Variants in LRRC40 observed in about 807,000 individuals in gnomAD.
LRRC40 encodes leucine-rich repeat-containing protein 40.
Under a neutral mutation model 72.8 loss-of-function variants are expected in LRRC40, and 76 were observed. That is an observed-to-expected ratio of 1.04 (90% confidence interval 0.87 to 1.26). LRRC40 has a LOEUF of 1.26. LRRC40 is among the 50% of genes most tolerant of loss of function. The pLI, the probability that LRRC40 is intolerant of heterozygous loss-of-function variation, is 0.00. For synonymous variants in LRRC40, 243 were observed against 254.2 expected (o/e 0.96, Z 0.42); for missense variants, 684 against 698.9 (o/e 0.98, Z 0.24).
chr1:70,173,011 T>C (rs1451091076), intron 9 of LRRC40, among the ~76,000 whole-genome samples: 4 of 152,128 alleles, frequency 2.6e-5, no homozygotes, highest in African/African-American at 7.2e-5. Context: ...TCACTTTTGG[T>C]ACATGTTCTT....
At chr1:70,190,386 G>GA (rs778464042) in intron 1 of LRRC40, among the ~76,000 whole-genome samples, 64 of 151,936 alleles carry the variant, frequency 4.2e-4, no homozygotes, top group Non-Finnish European at 6.5e-4. Flanking sequence ...TATACTCACT[G>GA]AAAAAATGAG....
At chr1:70,163,079 C>CTTTT (rs377411157) in intron 9 of LRRC40, among the ~76,000 whole-genome samples, 2 of 140,546 alleles carry the variant, frequency 1.4e-5, no homozygotes, top group Non-Finnish European at 3.1e-5. Flanking sequence ...CTTTCCTTTT[C>CTTTT]TTTTTTTTTT....
intron 10 of LRRC40, 41 bp from the exon 11 acceptor site, chr1:70,155,837 A>T (rs1345732753): frequency 1.1e-6 from 1 of 872,626 alleles, no homozygotes; most frequent in South Asian, 2.1e-5. Flanking sequence ...CATTCTTAGC[A>T]GTCCAAAAAG....
chr1:70,176,677 GAAC>G (rs1456337650), intron 6 of LRRC40, among the ~76,000 whole-genome samples: 1 of 151,732 alleles, frequency 6.6e-6, no homozygotes, highest in Non-Finnish European at 1.5e-5. Context: ...GTTGGTCCTT[GAAC>G]AACAAGTGTT....
chr1:70,197,965 T>C lies in LRRC40; in HGVS notation c.151+7425A>G, dbSNP rs529218258. Among the ~76,000 whole-genome samples the C allele has an allele frequency of 7.9e-4, 120 of 152,210 alleles. 1 individual carries two copies. The highest frequency in any genetic ancestry group is 2.8e-3 in the African/African-American group (118 of 41,540). Reference sequence around the variant, plus strand: ...TTAGTAGAGACGAAGTTTTGCCTTGTTGCCCAGACTGGTCTTGAACTCCCA... The same window carrying C: ...TTAGTAGAGACGAAGTTTTGCCTTGCTGCCCAGACTGGTCTTGAACTCCCA... On this transcript the variant is annotated intron_variant, in intron 1 of 14. Transcript: ENST00000370952.
intron 14 of LRRC40, among the ~76,000 whole-genome samples, chr1:70,148,192 C>T (rs978945606): frequency 2.0e-5 from 3 of 150,570 alleles, no homozygotes; most frequent in African/African-American, 2.4e-5. Context: ...AATATTTCCC[C>T]GACATTTTTA....
intron 1 of LRRC40, among the ~76,000 whole-genome samples, chr1:70,192,073 T>A (rs961450098): frequency 6.6e-6 from 1 of 152,200 alleles, no homozygotes; most frequent in African/African-American, 2.4e-5. Flanking sequence ...ATGACCATTT[T>A]AATGATATTG....
Position 70,181,149 on chromosome 1 carries a change from C to G in LRRC40, c.598G>C (p.Val200Leu). ...TCATTACTAGAAAGATTGAGTCGCA[C>G]CAGACTGGACAGAGAAGAAAAACTA... ...PASFSSLSSL[V>L]RLNLSSNELK... The change falls in exon 5 of 15, where the codon GTG becomes CTG. Residue 200 changes from valine (V) to leucine (L), a missense_variant. By Grantham distance (32) the Val-to-Leu change is conservative. Coordinates refer to ENST00000370952, the MANE Select transcript of LRRC40 (RefSeq NM_017768.5). The G allele has an allele frequency of 3.1e-6, 5 of 1,598,670 alleles. No homozygotes were observed. The highest frequency in any genetic ancestry group is 4.3e-6 in the Non-Finnish European group (5 of 1,172,676).
intron 6 of LRRC40, among the ~76,000 whole-genome samples, chr1:70,177,136 C>G (rs897921588): frequency 6.6e-6 from 1 of 151,934 alleles, no homozygotes; most frequent in Non-Finnish European, 1.5e-5. Context: ...ATTAGCTTGG[C>G]GTGGTGGTGG....
chr1:70,195,846 G>A (rs1668596278), intron 1 of LRRC40, among the ~76,000 whole-genome samples: 1 of 152,142 alleles, frequency 6.6e-6, no homozygotes, highest in Non-Finnish European at 1.5e-5. Context: ...ATGTTGGCCA[G>A]GCTGGTCTCG....
chr1:70,173,397 T>G, intron 9 of LRRC40, 68 bp downstream of exon 9: 1 of 1,116,312 alleles, frequency 9.0e-7, no homozygotes, highest in East Asian at 2.4e-5. Flanking sequence ...ACATTTAAAT[T>G]TATGTACTAT....
chr1:70,205,308 G>T, intron 1 of LRRC40, 82 bp downstream of exon 1: 2 of 1,355,602 alleles, frequency 1.5e-6, no homozygotes, highest in Non-Finnish European at 2.0e-6. Flanking sequence ...GGGGGCCAAA[G>T]CCAGCCCAGA....
chr1:70,174,563 T>G (rs1341710670), intron 7 of LRRC40, among the ~76,000 whole-genome samples: 1 of 152,090 alleles, frequency 6.6e-6, no homozygotes, highest in Non-Finnish European at 1.5e-5. Context: ...ACACATGAAC[T>G]GCGGTATATC....
At chr1:70,186,197 C>T (rs150846236) in intron 3 of LRRC40, among the ~76,000 whole-genome samples, 3 of 152,246 alleles carry the variant, frequency 2.0e-5, no homozygotes, top group Non-Finnish European at 4.4e-5. Context: ...TAGCTAATTA[C>T]TCCATCCTAA....
At chr1:70,159,654 T>C (rs1667714019) in intron 9 of LRRC40, among the ~76,000 whole-genome samples, 1 of 152,170 alleles carries the variant, frequency 6.6e-6, no homozygotes, top group Non-Finnish European at 1.5e-5. Flanking sequence ...TTCAAAACTG[T>C]TTAATGAATC....
chr1:70,150,233 TAATTA>T (rs1667441076), intron 13 of LRRC40, among the ~76,000 whole-genome samples: 1 of 152,184 alleles, frequency 6.6e-6, no homozygotes, highest in African/African-American at 2.4e-5. Context: ...ATTCATATTT[TAATTA>T]AATTGTTTTT....
At chr1:70,204,946 G>A (rs1214244135) in intron 1 of LRRC40, among the ~76,000 whole-genome samples, 3 of 152,184 alleles carry the variant, frequency 2.0e-5, no homozygotes, top group African/African-American at 7.2e-5. Context: ...ATACAGAAGA[G>A]CGTCTCGGCA....
intron 12 of LRRC40, among the ~76,000 whole-genome samples, chr1:70,151,491 C>T (rs1423098805): frequency 6.6e-6 from 1 of 152,040 alleles, no homozygotes; most frequent in Admixed American, 6.6e-5. Context: ...AACTAATTAG[C>T]TCCTTCAAAG....
At chr1:70,179,320 C>G (rs907593851) in intron 5 of LRRC40, among the ~76,000 whole-genome samples, 1 of 151,762 alleles carries the variant, frequency 6.6e-6, no homozygotes, top group Non-Finnish European at 1.5e-5. Context: ...ATCGTCTCTA[C>G]TAAAAATTAA....
Sources: allele counts gnomAD v4.1 joint callset (sites outside exome capture counted in the v4.1 genomes callset), GRCh38; gene constraint gnomAD v4.1.1; transcripts MANE v1.5; gene names NCBI Gene and HGNC (gene_info 2026-07-23, HGNC 2026-07-21).